Variants in PPARGC1A observed in about 807,000 individuals in gnomAD.
The protein encoded by PPARGC1A is peroxisome proliferator-activated receptor gamma coactivator 1-alpha.
PPARGC1A carries 25 observed loss-of-function variants against 88.7 expected under a neutral mutation model. The ratio of observed to expected loss-of-function variants is 0.28; its 90% CI spans 0.21 to 0.39. PPARGC1A has a LOEUF of 0.39. Among genes scored for constraint, PPARGC1A ranks in the 10% least tolerant of loss-of-function variants. The probability of loss-of-function intolerance (pLI) is 1.00; values close to 1 mark genes in which losing one functional copy is unlikely to be tolerated. For missense variants in PPARGC1A, 880 were observed against 968.7 expected, an observed-to-expected ratio of 0.91 and a Z score of 1.22; for synonymous variants, 363 against 355.6, an observed-to-expected ratio of 1.02 and a Z score of -0.24.
the PPARGC1A span, among the ~76,000 whole-genome samples, chr4:23,975,620 G>T: frequency 2.0e-5 from 3 of 152,132 alleles, no homozygotes; most frequent in Admixed American, 2.0e-4. Flanking sequence ...GTTTCACGAT[G>T]TTGGCCAGGC....
intron 2 of PPARGC1A, among the ~76,000 whole-genome samples, chr4:23,869,399 G>A (rs58836103): frequency 0.025 from 3,749 of 152,176 alleles, 157 homozygotes; most frequent in African/African-American, 0.085. Context: ...ATGAAGGGTT[G>A]TGGCCCGACC....
At chr4:24,118,807 T>G in the PPARGC1A span, among the ~76,000 whole-genome samples, 1 of 152,206 alleles carries the variant, frequency 6.6e-6, no homozygotes, top group Non-Finnish European at 1.5e-5. Flanking sequence ...AATGGTTTTT[T>G]TCCACTTGCA....
At chr4:24,429,659 T>TTC in the PPARGC1A span, among the ~76,000 whole-genome samples, 1 of 146,860 alleles carries the variant, frequency 6.8e-6, no homozygotes, top group South Asian at 2.1e-4. Flanking sequence ...GAATTTTTTT[T>TTC]TTTTTTTTTT....
chr4:23,849,204 A>G (rs116490804), intron 2 of PPARGC1A, among the ~76,000 whole-genome samples: 1 of 152,204 alleles, frequency 6.6e-6, no homozygotes, highest in Non-Finnish European at 1.5e-5. Context: ...TGAGACACTG[A>G]GCATAAAGAG....
intron 10 of PPARGC1A, among the ~76,000 whole-genome samples, chr4:23,812,181 G>C (rs1278795127): frequency 6.6e-6 from 1 of 151,796 alleles, no homozygotes; most frequent in Non-Finnish European, 1.5e-5. Flanking sequence ...GGCCTTAAGT[G>C]ATCCACATGC....
intron 2 of PPARGC1A, among the ~76,000 whole-genome samples, chr4:23,880,345 T>C (rs1460007831): frequency 6.6e-6 from 1 of 152,192 alleles, no homozygotes; most frequent in South Asian, 2.1e-4. Flanking sequence ...AATCTTCACA[T>C]TACCTAACGC....
the PPARGC1A span, among the ~76,000 whole-genome samples, chr4:24,259,596 A>G: frequency 6.6e-6 from 1 of 152,214 alleles, no homozygotes; most frequent in Non-Finnish European, 1.5e-5. Flanking sequence ...TTGTGTTACA[A>G]TTGCCTAAAG....
intron 2 of PPARGC1A, among the ~76,000 whole-genome samples, chr4:23,850,145 G>A (rs1053722475): frequency 1.3e-5 from 2 of 152,120 alleles, no homozygotes; most frequent in Non-Finnish European, 2.9e-5. Context: ...AATTAGGTTG[G>A]TGCAAAAGTA....
chr4:24,095,889 G>A, the PPARGC1A span, among the ~76,000 whole-genome samples: 1 of 152,280 alleles, frequency 6.6e-6, no homozygotes, highest in African/African-American at 2.4e-5. Flanking sequence ...CAAGGGAGAA[G>A]CCCTCACGGC....
At chr4:23,976,056 C>T in the PPARGC1A span, among the ~76,000 whole-genome samples, 1 of 152,108 alleles carries the variant, frequency 6.6e-6, no homozygotes. Context: ...TATCAGCCAG[C>T]TATTGGAGTT....
chr4:24,418,352 A>G, the PPARGC1A span, among the ~76,000 whole-genome samples: 1 of 152,216 alleles, frequency 6.6e-6, no homozygotes, highest in South Asian at 2.1e-4. Context: ...TAGTGTTCTA[A>G]TTAAACACCA....
chr4:24,124,198 T>C, the PPARGC1A span, among the ~76,000 whole-genome samples: 6 of 151,788 alleles, frequency 4.0e-5, no homozygotes, highest in Middle Eastern at 3.4e-3. Context: ...AATGTCGAGG[T>C]TTCACAGCAG....
the PPARGC1A span, among the ~76,000 whole-genome samples, chr4:24,382,787 G>A: frequency 6.6e-6 from 1 of 152,342 alleles, no homozygotes; most frequent in South Asian, 2.1e-4. Flanking sequence ...AGCACCTGGG[G>A]GAAGGGGTGG....
the PPARGC1A span, among the ~76,000 whole-genome samples, chr4:24,115,820 G>C: frequency 6.6e-6 from 1 of 152,094 alleles, no homozygotes; most frequent in Non-Finnish European, 1.5e-5. Flanking sequence ...GATAAGATCA[G>C]AGACATGAAA....
chr4:24,345,366 C>T, the PPARGC1A span, among the ~76,000 whole-genome samples: 14 of 151,970 alleles, frequency 9.2e-5, no homozygotes, highest in Non-Finnish European at 1.6e-4. Context: ...GTCATTTTCA[C>T]AATATTGATT....
chr4:24,149,943 T>A, the PPARGC1A span, among the ~76,000 whole-genome samples: 1 of 152,204 alleles, frequency 6.6e-6, no homozygotes, highest in Non-Finnish European at 1.5e-5. Flanking sequence ...TAAACAACTA[T>A]CTTTCCAAAA....
chr4:23,853,158 T>TTTAATTCATTAAAAGCAAAATTTA (rs1729610566), intron 2 of PPARGC1A, among the ~76,000 whole-genome samples: 1 of 152,228 alleles, frequency 6.6e-6, no homozygotes, highest in South Asian at 2.1e-4. Context: ...GAAAGCAAAA[T>TTTAATTCATTAAAAGCAAAATTTA]ACAATCAAAA....
chr4:24,390,655 C>A, the PPARGC1A span, among the ~76,000 whole-genome samples: 4 of 152,118 alleles, frequency 2.6e-5, no homozygotes, highest in Non-Finnish European at 5.9e-5. Flanking sequence ...GTGTACGCTG[C>A]TTTGTCCTGC....
chr4:23,829,313 T>A (rs959151717), intron 4 of PPARGC1A, 150 bp downstream of exon 4: 1 of 824,886 alleles, frequency 1.2e-6, no homozygotes, highest in African/African-American at 1.7e-5. Context: ...TCAAGCGCTG[T>A]TTACGGAATC....
Sources: allele counts gnomAD v4.1 joint callset (sites outside exome capture counted in the v4.1 genomes callset), GRCh38; gene constraint gnomAD v4.1.1; transcripts MANE v1.5; gene names NCBI Gene and HGNC (gene_info 2026-07-23, HGNC 2026-07-21).